Variants in TRPM3 observed in about 807,000 individuals in gnomAD.
TRPM3 encodes the protein transient receptor potential cation channel subfamily M member 3, also known as long transient receptor potential channel 3.
A neutral mutation model predicts 181.2 loss-of-function variants in TRPM3; 77 were observed. The observed-to-expected ratio is 0.42, with a 90% CI of 0.35 to 0.51. The LOEUF (loss-of-function observed/expected upper bound fraction) is 0.51. TRPM3 is among the 20% of genes least tolerant of loss of function. The probability of loss-of-function intolerance (pLI) is 0.01; values close to 1 mark genes in which losing one functional copy is unlikely to be tolerated. For missense variants in TRPM3, 1,759 were observed against 2,196.7 expected, an observed-to-expected ratio of 0.80 and a Z score of 3.98; for synonymous variants, 745 against 796.4, an observed-to-expected ratio of 0.94 and a Z score of 1.09.
At position 70,893,180 on chromosome 9, in the gene TRPM3, T is replaced by C. The variant is rs184249596; in HGVS notation, c.178-28669A>G. Among the ~76,000 whole-genome samples, 29 of 152,316 alleles carry C rather than the reference T, an allele frequency of 1.9e-4. 1 individual carries two copies. In the East Asian group the frequency reaches 4.6e-3, roughly 24 times the overall value. ...CCAATAATGCTTTTTCTAATGAAAC[T>C]ATTCCCCACAGGTCCTCCAGATTGG... On this transcript the variant is annotated intron_variant, in intron 1 of 25. Coordinates refer to ENST00000677713, the MANE Select transcript of TRPM3 (RefSeq NM_001366145.2).
intron 8 of TRPM3, among the ~76,000 whole-genome samples, chr9:70,744,419 T>G (rs1012602643): frequency 5.3e-5 from 8 of 152,186 alleles, no homozygotes; most frequent in Non-Finnish European, 1.2e-4. Context: ...CCCAATCTGT[T>G]TCATTGTTCT....
intron 3 of TRPM3, among the ~76,000 whole-genome samples, chr9:70,847,632 G>C (rs2095031572): frequency 6.6e-6 from 1 of 151,786 alleles, no homozygotes; most frequent in South Asian, 2.1e-4. Context: ...TACTTCAAAG[G>C]GCTCATCCTC....
intron 1 of TRPM3, among the ~76,000 whole-genome samples, chr9:70,935,805 G>T (rs1017448009): frequency 6.6e-6 from 1 of 152,082 alleles, no homozygotes; most frequent in Non-Finnish European, 1.5e-5. Flanking sequence ...TCCCCCAAGC[G>T]CAATCCGTAC....
chr9:71,179,971 T>G (rs752999146), intron 1 of TRPM3, among the ~76,000 whole-genome samples: 1 of 151,482 alleles, frequency 6.6e-6, no homozygotes, highest in African/African-American at 2.4e-5. Flanking sequence ...GAAACTACCA[T>G]GTTGGAAACC....
intron 1 of TRPM3, among the ~76,000 whole-genome samples, chr9:71,349,346 G>A (rs1030216909): frequency 2.0e-5 from 3 of 152,158 alleles, no homozygotes; most frequent in African/African-American, 4.8e-5. Flanking sequence ...GAGGCAATCT[G>A]GTAGAGCCAG....
At chr9:71,360,873 A>G (rs2092113380) in intron 1 of TRPM3, among the ~76,000 whole-genome samples, 1 of 152,376 alleles carries the variant, frequency 6.6e-6, no homozygotes, top group Admixed American at 6.5e-5. Flanking sequence ...CAGAAAAAAA[A>G]GAAGGAAGAG....
rs574604679 is a variant in TRPM3, at chr9:71,236,170, T to A, written c.183+210483A>T. ...ATTCTCAAATGTGTTGTCTATTGTG[T>A]GTTGTGGAAATGCCTTTTGGCTGAA... On this transcript the variant is annotated intron_variant, in intron 1 of 24. Transcript: ENST00000357533. Among the ~76,000 whole-genome samples, 6 of 152,332 alleles carry A rather than the reference T, an allele frequency of 3.9e-5. No individual in the cohort carries two copies. The South Asian group carries it at 1.2e-3, about 32-fold the overall frequency.
At chr9:71,194,407 T>C (rs2078218203) in intron 1 of TRPM3, among the ~76,000 whole-genome samples, 1 of 151,958 alleles carries the variant, frequency 6.6e-6, no homozygotes, top group African/African-American at 2.4e-5. Flanking sequence ...TGTGGCCCTG[T>C]TGCTGAATTT....
At chr9:71,021,605 T>C (rs1344091659) in intron 1 of TRPM3, among the ~76,000 whole-genome samples, 1 of 152,182 alleles carries the variant, frequency 6.6e-6, no homozygotes, top group African/African-American at 2.4e-5. Context: ...AATCAAACTA[T>C]AAATAAACAA....
At chr9:71,263,256 T>C (rs1423508504) in intron 1 of TRPM3, among the ~76,000 whole-genome samples, 1 of 152,236 alleles carries the variant, frequency 6.6e-6, no homozygotes, top group Non-Finnish European at 1.5e-5. Context: ...TTACATTTTT[T>C]TAAACGTTTA....
chr9:71,036,026 T>A (rs1797187689), intron 1 of TRPM3, among the ~76,000 whole-genome samples: 1 of 150,334 alleles, frequency 6.7e-6, no homozygotes, highest in African/African-American at 2.5e-5. Flanking sequence ...TTTTTTCAGT[T>A]GTAGTAAGAA....
At chr9:71,268,996 A>G (rs1278096429) in intron 1 of TRPM3, among the ~76,000 whole-genome samples, 2 of 152,164 alleles carry the variant, frequency 1.3e-5, no homozygotes, top group Non-Finnish European at 2.9e-5. Context: ...TAAAGACACA[A>G]AAGCACATGA....
chr9:70,960,188 C>A (rs189335693), intron 1 of TRPM3, among the ~76,000 whole-genome samples: 2 of 151,046 alleles, frequency 1.3e-5, no homozygotes, highest in East Asian at 3.9e-4. Flanking sequence ...AAGTAAGTGT[C>A]TGAATCAAAA....
At chr9:70,601,416 C>T (rs1265366737) in intron 20 of TRPM3, among the ~76,000 whole-genome samples, 2 of 152,166 alleles carry the variant, frequency 1.3e-5, no homozygotes, top group Non-Finnish European at 2.9e-5. Context: ...AACTTTTCCA[C>T]ATTTCCAGGA....
At chr9:71,430,426 G>C (rs967907796) in intron 1 of TRPM3, among the ~76,000 whole-genome samples, 6 of 152,162 alleles carry the variant, frequency 3.9e-5, no homozygotes, top group Non-Finnish European at 5.9e-5. Context: ...TAGATTAGCA[G>C]CAAAAGGCAA....
rs568947002 is a variant in TRPM3, at chr9:71,033,872, G to A, written c.177+87306C>T. Among the ~76,000 whole-genome samples the A allele has an allele frequency of 2.6e-5, 4 of 152,190 alleles. No individual in the cohort carries two copies. The South Asian group carries it at 6.2e-4, about 24-fold the overall frequency. ...GCCAGAACCTGTCCCAGCAGCTCAG[G>A]GCACAAGTCAGAAACCCACAGTAGT... On this transcript the variant is annotated intron_variant, in intron 1 of 25. Coordinates refer to ENST00000677713, the MANE Select transcript of TRPM3 (RefSeq NM_001366145.2).
chr9:71,443,798 T>G (rs950089542), intron 1 of TRPM3, among the ~76,000 whole-genome samples: 1 of 152,178 alleles, frequency 6.6e-6, no homozygotes, highest in Non-Finnish European at 1.5e-5. Flanking sequence ...ATAAAGTCTT[T>G]CTGGATACCA....
At chr9:71,379,692 A>T (rs1351571313) in intron 1 of TRPM3, among the ~76,000 whole-genome samples, 3 of 130,958 alleles carry the variant, frequency 2.3e-5, no homozygotes, top group Non-Finnish European at 5.4e-5. Context: ...TTTCTTTCCC[A>T]GAATCTTTTT....
At chr9:70,931,616 T>C (rs1449888542) in intron 1 of TRPM3, among the ~76,000 whole-genome samples, 5 of 152,034 alleles carry the variant, frequency 3.3e-5, no homozygotes, top group African/African-American at 4.8e-5. Flanking sequence ...TATAATTCTT[T>C]TGCAGCACAG....
Sources: allele counts gnomAD v4.1 joint callset (sites outside exome capture counted in the v4.1 genomes callset), GRCh38; gene constraint gnomAD v4.1.1; transcripts MANE v1.5; gene names NCBI Gene and HGNC (gene_info 2026-07-23, HGNC 2026-07-21).